HYCC1: variants seen among roughly 807,000 people sequenced by gnomAD.
The protein encoded by HYCC1 is hyccin.
At chr7:22,938,603 T>C in the HYCC1 span, 1 of 152,216 alleles carries the variant, frequency 6.6e-6, no homozygotes, top group Admixed American at 6.6e-5. Context: ...CATTTTTCTA[T>C]GTCAGGCCAA....
chr7:23,012,031 T>A, the HYCC1 span, among the ~76,000 whole-genome samples: 2 of 152,222 alleles, frequency 1.3e-5, no homozygotes, highest in Non-Finnish European at 2.9e-5. Flanking sequence ...TGTTAGATAG[T>A]AAATTCCTTG....
At chr7:23,010,638 T>G in the HYCC1 span, among the ~76,000 whole-genome samples, 9 of 152,320 alleles carry the variant, frequency 5.9e-5, no homozygotes, top group East Asian at 1.7e-3. Context: ...TTTAAATATA[T>G]GTAGTATACT....
chr7:22,976,807 G>A, the HYCC1 span: 101 of 1,596,218 alleles, frequency 6.3e-5, no homozygotes, highest in Non-Finnish European at 8.2e-5. Flanking sequence ...AATGCTGGAA[G>A]GCTAGAGAAA....
chr7:22,964,915 A>G, the HYCC1 span, among the ~76,000 whole-genome samples: 1 of 152,118 alleles, frequency 6.6e-6, no homozygotes, highest in Non-Finnish European at 1.5e-5. Flanking sequence ...CAGGTGGATC[A>G]CCTAGGCCAG....
At chr7:22,965,017 C>T in the HYCC1 span, among the ~76,000 whole-genome samples, 1 of 151,698 alleles carries the variant, frequency 6.6e-6, no homozygotes, top group African/African-American at 2.4e-5. Flanking sequence ...GCCTGTATTC[C>T]CAGCTACTAG....
chr7:22,897,888 C>T, the HYCC1 span, among the ~76,000 whole-genome samples: 6 of 152,232 alleles, frequency 3.9e-5, no homozygotes, highest in African/African-American at 1.4e-4. Context: ...CCCAACTTGG[C>T]CTCCCAAAGT....
the HYCC1 span, among the ~76,000 whole-genome samples, chr7:22,965,909 G>T: frequency 2.0e-5 from 3 of 152,094 alleles, no homozygotes; most frequent in East Asian, 5.8e-4. Context: ...ATCACACTCA[G>T]CTCCAGAAAT....
At chr7:22,974,052 T>G in the HYCC1 span, among the ~76,000 whole-genome samples, 2 of 152,160 alleles carry the variant, frequency 1.3e-5, no homozygotes, top group Non-Finnish European at 2.9e-5. Context: ...TGCTTCAAAG[T>G]AGGACCTGGA....
At chr7:22,983,178 A>T in the HYCC1 span, among the ~76,000 whole-genome samples, 1 of 151,804 alleles carries the variant, frequency 6.6e-6, no homozygotes, top group African/African-American at 2.4e-5. Context: ...AAAACACAAA[A>T]ATTGGCCAGG....
the HYCC1 span, among the ~76,000 whole-genome samples, chr7:22,924,593 G>A: frequency 6.6e-6 from 1 of 152,246 alleles, no homozygotes; most frequent in African/African-American, 2.4e-5. Context: ...TGCTAGCACA[G>A]CAGTCTGAGA....
the HYCC1 span, chr7:22,941,514 A>G: frequency 6.6e-6 from 1 of 152,166 alleles, no homozygotes; most frequent in Non-Finnish European, 1.5e-5. Flanking sequence ...AAATGATTAG[A>G]AATAAAGGTA....
the HYCC1 span, among the ~76,000 whole-genome samples, chr7:22,900,999 T>A: frequency 6.6e-6 from 1 of 151,804 alleles, no homozygotes; most frequent in Admixed American, 6.6e-5. Context: ...GCAGGCAGAT[T>A]CCTTGAGCCC....
chr7:22,921,032 C>A, the HYCC1 span, among the ~76,000 whole-genome samples: 4 of 152,268 alleles, frequency 2.6e-5, no homozygotes, highest in East Asian at 3.9e-4. Flanking sequence ...TAAGGCCTCT[C>A]CAGAAACAGA....
At chr7:22,971,674 T>G in the HYCC1 span, among the ~76,000 whole-genome samples, 21 of 64,392 alleles carry the variant, frequency 3.3e-4, no homozygotes, top group African/African-American at 1.2e-3. Context: ...AGACCCCATC[T>G]CACAAAAAAA....
chr7:22,926,402 G>C, the HYCC1 span, among the ~76,000 whole-genome samples: 37,011 of 151,968 alleles, frequency 0.24, 4,670 homozygotes, highest in East Asian at 0.45. Context: ...TGGATAAAGA[G>C]TCAAGACCCA....
the HYCC1 span, chr7:22,976,374 G>C: frequency 1.7e-5 from 18 of 1,076,884 alleles, no homozygotes; most frequent in Non-Finnish European, 5.7e-6. Flanking sequence ...ATAGGGGAGA[G>C]AGCACTCCTT....
At chr7:23,009,002 T>C in the HYCC1 span, among the ~76,000 whole-genome samples, 1 of 152,070 alleles carries the variant, frequency 6.6e-6, no homozygotes, top group Non-Finnish European at 1.5e-5. Flanking sequence ...GTTAGCAATC[T>C]GTTTAAAAAG....
the HYCC1 span, chr7:22,938,174 T>TTTG: frequency 2.0e-5 from 3 of 152,154 alleles, no homozygotes; most frequent in Non-Finnish European, 2.9e-5. Context: ...TCCCTATTTT[T>TTTG]TTGTTGTTGT....
chr7:22,955,497 T>C, the HYCC1 span, among the ~76,000 whole-genome samples: 131 of 151,724 alleles, frequency 8.6e-4, no homozygotes, highest in Non-Finnish European at 1.4e-3. Context: ...TGGCAAAAAA[T>C]ATAAGCACTC....
Sources: allele counts gnomAD v4.1 joint callset (sites outside exome capture counted in the v4.1 genomes callset), GRCh38; gene constraint gnomAD v4.1.1; transcripts MANE v1.5; gene names NCBI Gene and HGNC (gene_info 2026-07-23, HGNC 2026-07-21).